The following CRELD1 variants were observed in gnomAD, a reference collection of about 807,000 sequenced individuals.
CRELD1 encodes CRELD disulfide isomerase 1.
A neutral mutation model predicts 58.2 loss-of-function variants in CRELD1; 42 were observed. The ratio of observed to expected loss-of-function variants is 0.72; its 90% CI spans 0.56 to 0.93. The LOEUF is 0.93. Among genes scored for constraint, CRELD1 ranks in the 40% least tolerant of loss-of-function variants. The probability of loss-of-function intolerance (pLI) is 0.00; values close to 1 mark genes in which losing one functional copy is unlikely to be tolerated. For missense variants in CRELD1, 500 were observed against 540.6 expected (o/e 0.92, Z 0.74); for synonymous variants, 222 against 202.0 (o/e 1.10, Z -0.84).
intron 10 of CRELD1, 146 bp downstream of exon 10, chr3:9,943,661 C>T (rs2085434383): frequency 6.4e-7 from 1 of 1,560,756 alleles, no homozygotes; most frequent in South Asian, 1.2e-5. Context: ...CCGGGCTCTA[C>T]ATCTGATCTC....
At chr3:9,938,228 A>G (rs925136162) in intron 5 of CRELD1, 122 bp downstream of exon 5, 4 of 771,804 alleles carry the variant, frequency 5.2e-6, no homozygotes, top group Non-Finnish European at 6.7e-6. Context: ...TCTGGACCTC[A>G]GTTCTTGCCT....
chr3:9,942,940 G>C (rs1559338609), intron 8 of CRELD1, 44 bp downstream of exon 8: 1 of 1,550,650 alleles, frequency 6.4e-7, no homozygotes, highest in African/African-American at 1.4e-5. Context: ...AGGAGTGGAG[G>C]AAGAGCTGCT....
intron 10 of CRELD1, chr3:9,944,014 T>C: frequency 2.2e-6 from 2 of 925,920 alleles, no homozygotes; most frequent in Non-Finnish European, 3.6e-6. Flanking sequence ...ATGAAGCTAC[T>C]TTCCCAGGGC....
At chr3:9,935,483 A>C (rs1281926695) in intron 3 of CRELD1, among the ~76,000 whole-genome samples, 1 of 152,204 alleles carries the variant, frequency 6.6e-6, no homozygotes, top group African/African-American at 2.4e-5. Flanking sequence ...TCACACTGCT[A>C]TGTAGCAAAC....
In CRELD1 at chr3:9,940,923, C is replaced by T. The variant is rs752287273; in HGVS notation, c.534C>T (p.Ser178=). 4.3e-6 allele frequency: 7 copies of T among 1,613,978 alleles called. No individual in the cohort carries two copies. Among genetic ancestry groups the T allele is most frequent in the South Asian group, 1.1e-5 (1 of 91,076 alleles). The stretch of plus-strand genomic sequence containing the variant: ...AAGGAGAAGGGACACGAGGGGGCAG[C>T]GGGCACTGTGACTGCCAAGCCGGCT... ...QCEGEGTRGG[S]GHCDCQAGYG... Residue 178 remains serine, a synonymous_variant, in exon 6 of 11, where the codon AGC becomes AGT. Transcript: ENST00000452070.
intron 7 of CRELD1, 62 bp downstream of exon 7, chr3:9,941,268 C>A: frequency 2.1e-6 from 3 of 1,435,268 alleles, no homozygotes; most frequent in Non-Finnish European, 1.9e-6. Flanking sequence ...GTCCTTTATT[C>A]TCTCAACACA....
In CRELD1 at chr3:9,937,997, A is replaced by G; in HGVS notation, c.369-18A>G. 6.3e-7 allele frequency: 1 copy of G among 1,594,268 alleles called. No homozygotes were observed. The highest frequency in any genetic ancestry group is 8.6e-7 in the Non-Finnish European group (1 of 1,163,132). On this transcript the variant is annotated intron_variant, in intron 4 of 10. Coordinates refer to ENST00000452070, the MANE Select transcript of CRELD1 (RefSeq NM_001077415.3). ...CAGCACCTCCTCCCCACCTCCCTCC[A>G]CCCTGCCCCTGCCTCAGGCAGCAGG...
intron 4 of CRELD1, 35 bp from the exon 5 acceptor site, chr3:9,937,980 C>T: frequency 6.8e-7 from 1 of 1,469,472 alleles, no homozygotes; most frequent in Non-Finnish European, 9.5e-7. Context: ...CTCAGCACCT[C>T]CTCCCCACCT....
chr3:9,940,431 C>T (rs909628365), intron 5 of CRELD1, among the ~76,000 whole-genome samples: 30 of 152,150 alleles, frequency 2.0e-4, no homozygotes, highest in Admixed American at 3.9e-4. Flanking sequence ...CTCGGGAGGC[C>T]GAGGCTGGCG....
chr3:9,944,688 A>G lies in CRELD1; in HGVS notation c.*109A>G. On this transcript the variant is annotated 3_prime_UTR_variant, in exon 11 of 11. Coordinates refer to ENST00000452070, the MANE Select transcript of CRELD1 (RefSeq NM_001077415.3). ...CTTGGTTTATTTTTGAGAGTGGGGT[A>G]AGCACCCCTACCTGCCTTACAGAGC... is the stretch of plus-strand genomic sequence containing the variant. 9.3e-7 allele frequency: 1 copy of G among 1,071,670 alleles called. No homozygotes were observed. Among genetic ancestry groups the G allele is most frequent in the South Asian group, 1.3e-5 (1 of 74,204 alleles). 66.4% of individuals were successfully genotyped at this position (1,071,670 alleles called of 1,614,324 possible).
At chr3:9,941,858 G>T (rs2085379250) in intron 7 of CRELD1, among the ~76,000 whole-genome samples, 1 of 151,762 alleles carries the variant, frequency 6.6e-6, no homozygotes. Flanking sequence ...CTGAACTTGG[G>T]GTCAGGAAAC....
chr3:9,938,214 C>T, intron 5 of CRELD1, 108 bp downstream of exon 5: 2 of 839,704 alleles, frequency 2.4e-6, no homozygotes, highest in Non-Finnish European at 3.9e-6. Flanking sequence ...CTCAGATAAA[C>T]TTCTCTGGAC....
chr3:9,943,910 C>T (rs1041057270), intron 10 of CRELD1: 1 of 1,582,780 alleles, frequency 6.3e-7, no homozygotes, highest in Non-Finnish European at 8.7e-7. Flanking sequence ...AGGTGCATTC[C>T]CCATCTTAAC....
intron 5 of CRELD1, among the ~76,000 whole-genome samples, chr3:9,940,395 C>T (rs537744369): frequency 2.6e-5 from 4 of 152,120 alleles, no homozygotes; most frequent in Admixed American, 6.5e-5. Flanking sequence ...ACTGAGTGAA[C>T]GAGACTCCGT....
In CRELD1 at chr3:9,944,807, G is replaced by A; in HGVS notation, c.*228G>A. On this transcript the variant is annotated 3_prime_UTR_variant, in exon 11 of 11. Transcript: ENST00000452070. ...TGAGCTCTTCACCTGGCGGGGACTGGCAGGCTTCACAATGTGTGAATTTCA... is the reference window on the plus strand; with the variant it reads ...TGAGCTCTTCACCTGGCGGGGACTGACAGGCTTCACAATGTGTGAATTTCA... 1 of 581,632 alleles carries A rather than the reference G, an allele frequency of 1.7e-6. No individual in the cohort carries two copies. Among genetic ancestry groups the A allele is most frequent in the Non-Finnish European group, 3.1e-6 (1 of 325,088 alleles). The allele number at this position is 581,632 out of a possible 1,614,324, so 36.0% of individuals were successfully genotyped here.
intron 2 of CRELD1, 81 bp downstream of exon 2, chr3:9,934,693 T>C: frequency 6.4e-7 from 1 of 1,560,920 alleles, no homozygotes; most frequent in Non-Finnish European, 8.8e-7. Context: ...TGCGTGGATT[T>C]AAGTTTCATC....
rs1016281904 is a variant in CRELD1, at chr3:9,942,735, A to G, written c.734-78A>G. 10 of 1,122,132 alleles carry G rather than the reference A, an allele frequency of 8.9e-6. No individual in the cohort carries two copies. In the African/African-American group the frequency reaches 1.4e-4, roughly 15 times the overall value. 69.5% of individuals were successfully genotyped at this position (1,122,132 alleles called of 1,614,324 possible). On this transcript the variant is annotated intron_variant, in intron 7 of 10. Transcript: ENST00000452070. ...GCCATACCATTTAATCCCAGGCAAGACCATTCCCCAACGGCTCTGGCTTCA... is the reference window on the plus strand; with the variant it reads ...GCCATACCATTTAATCCCAGGCAAGGCCATTCCCCAACGGCTCTGGCTTCA...
intron 10 of CRELD1, 126 bp from the exon 11 acceptor site, chr3:9,944,239 T>G: frequency 1.1e-6 from 1 of 887,190 alleles, no homozygotes; most frequent in South Asian, 1.3e-5. Context: ...GTAAATGTAG[T>G]GTGCCTGGCT....
intron 3 of CRELD1, chr3:9,935,976 T>C (rs948050059): frequency 6.6e-6 from 1 of 152,138 alleles, no homozygotes; most frequent in Non-Finnish European, 1.5e-5. Context: ...ATATAGTCAA[T>C]ATATGTAATA....
Sources: allele counts gnomAD v4.1 joint callset (sites outside exome capture counted in the v4.1 genomes callset), GRCh38; gene constraint gnomAD v4.1.1; transcripts MANE v1.5; gene names NCBI Gene and HGNC (gene_info 2026-07-23, HGNC 2026-07-21).